EIF4ENIF1: variants seen among roughly 807,000 people sequenced by gnomAD.
EIF4ENIF1 encodes eukaryotic translation initiation factor 4E nuclear import factor 1, also known as eukaryotic translation initiation factor 4E transporter.
EIF4ENIF1 carries 23 observed loss-of-function variants against 110.5 expected under a neutral mutation model. That is an observed-to-expected ratio of 0.21 (90% CI 0.15 to 0.29). EIF4ENIF1 has a LOEUF of 0.29. Ranked by LOEUF, EIF4ENIF1 falls within the 10% of genes least tolerant of loss-of-function variation. The probability of loss-of-function intolerance (pLI) is 1.00; values close to 1 mark genes in which losing one functional copy is unlikely to be tolerated. For synonymous variants in EIF4ENIF1, 440 were observed against 437.0 expected (o/e 1.01, Z -0.09); for missense variants, 1,031 against 1,221.1 (o/e 0.84, Z 2.32).
chr22:31,478,077 T>C (rs935741464), intron 2 of EIF4ENIF1, among the ~76,000 whole-genome samples: 1 of 152,160 alleles, frequency 6.6e-6, no homozygotes, highest in Non-Finnish European at 1.5e-5. Context: ...CGTGGACATT[T>C]AGGGAAAAAT....
At chr22:31,450,415 G>C in intron 10 of EIF4ENIF1, 55 bp from the exon 11 acceptor site, 1 of 1,392,874 alleles carries the variant, frequency 7.2e-7, no homozygotes, top group Non-Finnish European at 1.0e-6. Context: ...TTAACTTACA[G>C]ATTGATTGGG....
At chr22:31,455,652 C>T (rs2050792414) in intron 8 of EIF4ENIF1, among the ~76,000 whole-genome samples, 200 bp downstream of exon 8, 1 of 152,138 alleles carries the variant, frequency 6.6e-6, no homozygotes, top group Non-Finnish European at 1.5e-5. Flanking sequence ...CCTGCCTTGG[C>T]CTCCCAAAGT....
In EIF4ENIF1 at chr22:31,471,922, A is replaced by G. The variant is rs1302693334; in HGVS notation, c.97-5T>C. 6.3e-7 allele frequency: 1 copy of G among 1,594,802 alleles called. No individual in the cohort carries two copies. Among genetic ancestry groups the G allele is most frequent in the Non-Finnish European group, 8.5e-7 (1 of 1,174,762 alleles). On this transcript the variant is annotated splice_region_variant and splice_polypyrimidine_tract_variant and intron_variant, in intron 2 of 18. Coordinates refer to ENST00000330125, the MANE Select transcript of EIF4ENIF1 (RefSeq NM_019843.4). Reference sequence around the variant, plus strand: ...TTTTATATCCAAGAGTTCTTCCTAAAAAGAGAAGTCAAATAGTCATTTTGA... The same window carrying G: ...TTTTATATCCAAGAGTTCTTCCTAAGAAGAGAAGTCAAATAGTCATTTTGA...
At chr22:31,444,029 C>T (rs2050386246) in intron 15 of EIF4ENIF1, among the ~76,000 whole-genome samples, 1 of 152,156 alleles carries the variant, frequency 6.6e-6, no homozygotes, top group Non-Finnish European at 1.5e-5. Context: ...AACTCCTGAA[C>T]TCAAACAATC....
chr22:31,444,030 TCAAA>T (rs2050386330), intron 15 of EIF4ENIF1, among the ~76,000 whole-genome samples: 2 of 152,202 alleles, frequency 1.3e-5, no homozygotes, highest in South Asian at 2.1e-4. Flanking sequence ...ACTCCTGAAC[TCAAA>T]CAATCTACCT....
chr22:31,439,712 T>A lies in EIF4ENIF1; in HGVS notation c.*168A>T. On this transcript the variant is annotated 3_prime_UTR_variant, in exon 19 of 19. Coordinates refer to ENST00000330125, the MANE Select transcript of EIF4ENIF1 (RefSeq NM_019843.4). ...GACAATGTACACTCCACTCGACTGG[T>A]TAAGATCCTTCCATCATAATGCGGA... is the stretch of plus-strand genomic sequence containing the variant. The A allele has an allele frequency of 1.1e-6, 1 of 916,728 alleles. No homozygotes were observed. The highest frequency in any genetic ancestry group is 1.6e-6 in the Non-Finnish European group (1 of 626,794). 56.8% of individuals were successfully genotyped at this position (916,728 alleles called of 1,614,324 possible). A position where few individuals can be genotyped will look rare whatever the true frequency, so the allele number is the denominator to read the frequency against.
downstream of EIF4ENIF1, chr22:31,437,451 C>CCA (rs1555900380): frequency 5.1e-5 from 2 of 39,390 alleles, no homozygotes; most frequent in Non-Finnish European, 1.3e-4. Flanking sequence ...TTGCCTTCAT[C>CCA]CCCCCCCCAC....
intron 12 of EIF4ENIF1, 48 bp downstream of exon 12, chr22:31,449,300 G>T (rs538248772): frequency 6.3e-7 from 1 of 1,577,564 alleles, no homozygotes; most frequent in East Asian, 2.2e-5. Flanking sequence ...ATGAGCTACC[G>T]TGCCTGGCCA....
At chr22:31,447,865 C>T (rs950393846) in intron 13 of EIF4ENIF1, among the ~76,000 whole-genome samples, 2 of 152,208 alleles carry the variant, frequency 1.3e-5, no homozygotes, top group Non-Finnish European at 2.9e-5. Flanking sequence ...CATCATAGCT[C>T]ACGGCAGTCT....
chr22:31,445,344 C>G (rs1470823098), intron 14 of EIF4ENIF1, among the ~76,000 whole-genome samples: 1 of 152,150 alleles, frequency 6.6e-6, no homozygotes, highest in Non-Finnish European at 1.5e-5. Flanking sequence ...TTGGTCTACA[C>G]AAGATTGACC....
At chr22:31,446,238 T>C (rs1601564181) in intron 14 of EIF4ENIF1, among the ~76,000 whole-genome samples, 4 of 134,072 alleles carry the variant, frequency 3.0e-5, no homozygotes, top group African/African-American at 8.6e-5. Flanking sequence ...TGAGCCAAGA[T>C]TGTGCCACTG....
intron 2 of EIF4ENIF1, among the ~76,000 whole-genome samples, chr22:31,475,196 T>C (rs2051527754): frequency 6.6e-6 from 1 of 152,118 alleles, no homozygotes; most frequent in Admixed American, 6.6e-5. Flanking sequence ...GAAATACGAA[T>C]AAAAATTTGT....
At chr22:31,441,396 C>A (rs181972937) in intron 17 of EIF4ENIF1, among the ~76,000 whole-genome samples, 1 of 151,260 alleles carries the variant, frequency 6.6e-6, no homozygotes, top group African/African-American at 2.4e-5. Flanking sequence ...ATAAATTATC[C>A]GGGTGTGGCG....
chr22:31,478,793 T>C (rs1344796753), intron 2 of EIF4ENIF1, among the ~76,000 whole-genome samples: 2 of 150,740 alleles, frequency 1.3e-5, no homozygotes, highest in South Asian at 2.1e-4. Context: ...CTATCAAAAA[T>C]ACAAAAAAAT....
chr22:31,462,784 T>C (rs1251205690), intron 6 of EIF4ENIF1, 148 bp downstream of exon 6: 4 of 727,786 alleles, frequency 5.5e-6, no homozygotes, highest in Admixed American at 3.0e-5. Context: ...GGTTTCACCA[T>C]GTTGGCCAGG....
At chr22:31,453,801 G>C (rs938908847) in intron 10 of EIF4ENIF1, among the ~76,000 whole-genome samples, 2 of 152,168 alleles carry the variant, frequency 1.3e-5, no homozygotes, top group Admixed American at 6.5e-5. Flanking sequence ...ATGAACTTAA[G>C]TAGCTGAATA....
chr22:31,457,185 G>C (rs2145960970), intron 7 of EIF4ENIF1, among the ~76,000 whole-genome samples: 1 of 152,286 alleles, frequency 6.6e-6, no homozygotes, highest in Non-Finnish European at 1.5e-5. Flanking sequence ...TTCTGTTTGA[G>C]ATTAATAGAG....
chr22:31,444,454 GA>G, intron 15 of EIF4ENIF1, 151 bp downstream of exon 15: 1 of 720,770 alleles, frequency 1.4e-6, no homozygotes, highest in Non-Finnish European at 2.4e-6. Context: ...TCCTAAAAGG[GA>G]AAGACCTAAT....
rs1266625276 is a variant in EIF4ENIF1, at chr22:31,463,000, T to A, written c.719A>T (p.Asp240Val). The change falls in exon 6 of 19, where the codon GAT becomes GTT. Residue 240 changes from aspartate to valine, a missense_variant. Physicochemically the swap from Asp to Val is radical, Grantham distance 152. Around this residue, in one of 3 missense-constraint regions of EIF4ENIF1, gnomAD observed 704 missense variants for 879.7 expected, o/e 0.80. Transcript: ENST00000330125. ...SETIELTGFD[D>V]KILEEDHKGR... ...TTTGTGATCTTCTTCTAGTATCTTATCATCAAAGCCAGTCAGTTCGATGGT... is the reference window on the plus strand; with the variant it reads ...TTTGTGATCTTCTTCTAGTATCTTAACATCAAAGCCAGTCAGTTCGATGGT... The A allele has an allele frequency of 1.2e-6, 2 of 1,614,166 alleles. No individual in the cohort carries two copies. Among genetic ancestry groups the A allele is most frequent in the Non-Finnish European group, 1.7e-6 (2 of 1,180,038 alleles).
Sources: allele counts gnomAD v4.1 joint callset (sites outside exome capture counted in the v4.1 genomes callset), GRCh38; gene constraint gnomAD v4.1.1; regional missense constraint gnomAD v4.1.1; transcripts MANE v1.5; gene names NCBI Gene and HGNC (gene_info 2026-07-23, HGNC 2026-07-21).